PELI1: variants seen among roughly 807,000 people sequenced by gnomAD.
The protein encoded by PELI1 is pellino E3 ubiquitin protein ligase 1, also known as E3 ubiquitin-protein ligase pellino homolog 1.
A neutral mutation model predicts 41.3 loss-of-function variants in PELI1; 15 were observed. The ratio of observed to expected loss-of-function variants is 0.36; its 90% confidence interval spans 0.24 to 0.56. The LOEUF is 0.56. PELI1 is among the 20% of genes least tolerant of loss of function. The pLI is 0.82. For synonymous variants in PELI1, 178 were observed against 180.1 expected (o/e 0.99, Z 0.09); for missense variants, 403 against 525.5 (o/e 0.77, Z 2.28).
At chr2:64,120,616 T>C (rs1049248163) in intron 1 of PELI1, among the ~76,000 whole-genome samples, 2 of 152,196 alleles carry the variant, frequency 1.3e-5, no homozygotes, top group African/African-American at 2.4e-5. Flanking sequence ...TTGATACCCA[T>C]AGTTCACAGC....
intron 1 of PELI1, among the ~76,000 whole-genome samples, chr2:64,125,578 T>C (rs1383124204): frequency 6.6e-6 from 1 of 152,208 alleles, no homozygotes; most frequent in Non-Finnish European, 1.5e-5. Context: ...TGGTATTTAA[T>C]CCAATGCCTG....
intron 3 of PELI1, among the ~76,000 whole-genome samples, chr2:64,103,251 G>T (rs1327451438): frequency 5.3e-5 from 8 of 152,144 alleles, no homozygotes; most frequent in Admixed American, 3.3e-4. Flanking sequence ...AGGAAGAAAA[G>T]TACAGAATAT....
chr2:64,130,867 A>G (rs141278800), intron 1 of PELI1, among the ~76,000 whole-genome samples: 2 of 152,328 alleles, frequency 1.3e-5, no homozygotes, highest in African/African-American at 4.8e-5. Flanking sequence ...TATCTAAATG[A>G]TATTAGAAGC....
In PELI1 at chr2:64,094,291, T is replaced by G. The variant is rs1429912457; in HGVS notation, c.*411A>C. 6.2e-6 allele frequency: 1 copy of G among 160,248 alleles called. No homozygotes were observed. The highest frequency in any genetic ancestry group is 1.4e-5 in the Non-Finnish European group (1 of 72,700). The allele number at this position is 160,248 out of a possible 1,614,324, so 9.9% of individuals were successfully genotyped here. On this transcript the variant is annotated 3_prime_UTR_variant, in exon 7 of 7. Transcript: ENST00000358912. Reference sequence around the variant, plus strand: ...AGGTATTTTCTATAATAAAGATAAATAGAAAAAAGTTAATATACATGTCGC... The same window carrying G: ...AGGTATTTTCTATAATAAAGATAAAGAGAAAAAAGTTAATATACATGTCGC...
At chr2:64,099,117 G>A (rs530547996) in intron 4 of PELI1, among the ~76,000 whole-genome samples, 1 of 149,004 alleles carries the variant, frequency 6.7e-6, no homozygotes, top group Non-Finnish European at 1.5e-5. Flanking sequence ...TAAATATAAC[G>A]TACTTTCTGA....
At chr2:64,136,745 TACAA>T (rs1325373848) in intron 1 of PELI1, among the ~76,000 whole-genome samples, 1 of 152,032 alleles carries the variant, frequency 6.6e-6, no homozygotes, top group African/African-American at 2.4e-5. Flanking sequence ...TCTACTAAAA[TACAA>T]ACATTTAGCT....
chr2:64,126,743 G>C (rs1344486603), intron 1 of PELI1, among the ~76,000 whole-genome samples: 2 of 152,040 alleles, frequency 1.3e-5, no homozygotes, highest in Non-Finnish European at 2.9e-5. Flanking sequence ...AGGAACAAGA[G>C]GAAGCTTCAT....
At chr2:64,115,361 T>C (rs1385177991) in intron 1 of PELI1, among the ~76,000 whole-genome samples, 1 of 152,162 alleles carries the variant, frequency 6.6e-6, no homozygotes, top group Non-Finnish European at 1.5e-5. Context: ...TTCTTTTAGG[T>C]CAACAGAGGG....
At position 64,099,897 on chromosome 2, in the gene PELI1, C is replaced by T. The variant is rs2103670006; in HGVS notation, c.303+501G>A. Among the ~76,000 whole-genome samples, 2 of 152,228 alleles carry T rather than the reference C, an allele frequency of 1.3e-5. 1 individual carries two copies. The highest frequency in any genetic ancestry group is 4.1e-4 in the South Asian group (2 of 4,826). On this transcript the variant is annotated intron_variant, in intron 4 of 6. Transcript: ENST00000358912. Reference sequence around the variant, plus strand: ...ATGAGTAGCATTGACCAAATACATGCTGAGAAAAAGGTTTGATTTCACATA... The same window carrying T: ...ATGAGTAGCATTGACCAAATACATGTTGAGAAAAAGGTTTGATTTCACATA...
chr2:64,104,772 A>G lies in PELI1; in HGVS notation c.130T>C (p.Phe44Leu), dbSNP rs1680566152. ...RGRRKSRFAL[F>L]KRPKANGVKP... ...ACCCCATTTGCCTTAGGTCTTTTAA[A>G]CAAAGCAAACCTACTTTTCCTCCTT... is the stretch of plus-strand genomic sequence containing the variant. Residue 44 changes from phenylalanine (F) to leucine (L), a missense_variant, in exon 3 of 7, where the codon TTT (phenylalanine) becomes CTT (leucine). Coordinates refer to ENST00000358912, the MANE Select transcript of PELI1 (RefSeq NM_020651.4). The G allele has an allele frequency of 6.2e-7, 1 of 1,613,504 alleles. No homozygotes were observed. Among genetic ancestry groups the G allele is most frequent in the Non-Finnish European group, 8.5e-7 (1 of 1,179,804 alleles).
intron 4 of PELI1, among the ~76,000 whole-genome samples, chr2:64,097,683 T>C (rs1576068422): frequency 6.6e-6 from 1 of 152,224 alleles, no homozygotes; most frequent in Non-Finnish European, 1.5e-5. Context: ...AATTGAAGAA[T>C]GTGGGTACTG....
At chr2:64,135,743 C>T (rs1178597059) in intron 1 of PELI1, among the ~76,000 whole-genome samples, 1 of 152,152 alleles carries the variant, frequency 6.6e-6, no homozygotes, top group Non-Finnish European at 1.5e-5. Flanking sequence ...ATTATTGTTA[C>T]TCATTATTAT....
At position 64,116,781 on chromosome 2, in the gene PELI1, G is replaced by T. The variant is rs139329739; in HGVS notation, c.-69-8402C>A. Among the ~76,000 whole-genome samples the T allele has an allele frequency of 2.4e-4, 36 of 152,252 alleles. No homozygotes were observed. In the East Asian group the frequency reaches 5.2e-3, roughly 22 times the overall value. On this transcript the variant is annotated intron_variant, in intron 1 of 6. Coordinates refer to ENST00000358912, the MANE Select transcript of PELI1 (RefSeq NM_020651.4). Reference sequence around the variant, plus strand: ...TTTTACTGTGCTTCGCAGATACTGTGTTTTTTACAAATTCAAAGTTTGTGG... The same window carrying T: ...TTTTACTGTGCTTCGCAGATACTGTTTTTTTTACAAATTCAAAGTTTGTGG...
In PELI1 at chr2:64,096,110, C is replaced by T. The variant is rs376576299; in HGVS notation, c.690+15G>A. 26 of 1,579,702 alleles carry T rather than the reference C, an allele frequency of 1.6e-5. No homozygotes were observed. In the African/African-American group the frequency reaches 3.2e-4, roughly 20 times the overall value. ...TTTATTGTAGCTAATTAAGAAAATA[C>T]CATTCAGTATTTACCATTTTTCCTC... On this transcript the variant is annotated intron_variant, in intron 6 of 6. Coordinates refer to ENST00000358912, the MANE Select transcript of PELI1 (RefSeq NM_020651.4).
chr2:64,104,779 A>G lies in PELI1; in HGVS notation c.123T>C (p.Phe41=). 6.2e-7 allele frequency: 1 copy of G among 1,613,798 alleles called. No homozygotes were observed. Among genetic ancestry groups the G allele is most frequent in the East Asian group, 2.2e-5 (1 of 44,866 alleles). Residue 41 remains phenylalanine (F), a synonymous_variant, in exon 3 of 7, where the codon TTT becomes TTC. Coordinates refer to ENST00000358912, the MANE Select transcript of PELI1 (RefSeq NM_020651.4). ...TTGCCTTAGGTCTTTTAAACAAAGC[A>G]AACCTACTTTTCCTCCTTCCTCTAT... ...NGDRGRRKSR[F]ALFKRPKANG...
chr2:64,129,792 T>C (rs1004499191), intron 1 of PELI1, among the ~76,000 whole-genome samples: 1 of 152,170 alleles, frequency 6.6e-6, no homozygotes, highest in Non-Finnish European at 1.5e-5. Context: ...TTCTAGAATA[T>C]GTATAATAGA....
intron 1 of PELI1, among the ~76,000 whole-genome samples, chr2:64,110,246 A>AG (rs1491519247): frequency 3.7e-5 from 4 of 109,262 alleles, no homozygotes; most frequent in East Asian, 3.4e-4. Flanking sequence ...CTCCGTCTCA[A>AG]GAAAAAAAAA....
chr2:64,113,943 C>T (rs1339516757), intron 1 of PELI1, among the ~76,000 whole-genome samples: 1 of 151,882 alleles, frequency 6.6e-6, no homozygotes, highest in East Asian at 1.9e-4. Context: ...TGCTTACTAC[C>T]TACTAAACAC....
At chr2:64,107,691 T>C (rs1350056886) in intron 2 of PELI1, among the ~76,000 whole-genome samples, 4 of 152,014 alleles carry the variant, frequency 2.6e-5, no homozygotes. Flanking sequence ...CATTTTTTTT[T>C]TTTTGAGACA....
Sources: allele counts gnomAD v4.1 joint callset (sites outside exome capture counted in the v4.1 genomes callset), GRCh38; gene constraint gnomAD v4.1.1; transcripts MANE v1.5; gene names NCBI Gene and HGNC (gene_info 2026-07-23, HGNC 2026-07-21).